Variants in CACNA1C observed in about 807,000 individuals in gnomAD.
CACNA1C encodes the protein calcium voltage-gated channel subunit alpha1 C, also known as voltage-dependent L-type calcium channel subunit alpha-1C.
In CACNA1C, 30 loss-of-function variants were observed where a neutral mutation model predicts 229.0. The ratio of observed to expected loss-of-function variants is 0.13; its 90% CI spans 0.10 to 0.18. CACNA1C has a LOEUF of 0.18. Ranked by LOEUF, CACNA1C falls within the 10% of genes least tolerant of loss-of-function variation. The probability of loss-of-function intolerance (pLI) is 1.00; values close to 1 mark genes in which losing one functional copy is unlikely to be tolerated. For missense variants in CACNA1C, 1,658 were observed against 2,845.0 expected (o/e 0.58, Z 9.49); for synonymous variants, 1,114 against 1,132.5 (o/e 0.98, Z 0.33).
intron 9 of CACNA1C, among the ~76,000 whole-genome samples, chr12:2,530,018 A>C (rs1165949117): frequency 6.6e-6 from 1 of 152,256 alleles, no homozygotes; most frequent in African/African-American, 2.4e-5. Context: ...CACAATGCTC[A>C]TTTCATTCAC....
intron 3 of CACNA1C, among the ~76,000 whole-genome samples, chr12:2,333,720 C>T (rs1017485008): frequency 3.3e-5 from 5 of 152,170 alleles, no homozygotes; most frequent in African/African-American, 1.2e-4. Flanking sequence ...AGTGAATCAA[C>T]ACAAAATGAA....
rs2097116101 is a variant in CACNA1C, at chr12:2,348,542, G to T, written c.478-100434G>T. 6.6e-6 allele frequency among the ~76,000 whole-genome samples: 1 copy of T among 152,224 alleles called. No individual in the cohort carries two copies. The highest frequency in any genetic ancestry group is 2.1e-4 in the South Asian group (1 of 4,826). On this transcript the variant is annotated intron_variant, in intron 3 of 46. Coordinates refer to ENST00000399655, the MANE Select transcript of CACNA1C (RefSeq NM_000719.7). The surrounding 1 kb of genome is among the most constrained non-coding windows in gnomAD (Gnocchi z 4.7). The stretch of plus-strand genomic sequence containing the variant: ...CCGAGGGAATGGGCTCATACGCCGG[G>T]TGGGCAAGGATTTCAAGTCGTCGGC...
chr12:2,193,687 A>T (rs897656683), intron 3 of CACNA1C, among the ~76,000 whole-genome samples: 5 of 152,296 alleles, frequency 3.3e-5, no homozygotes, highest in Admixed American at 1.3e-4. Flanking sequence ...CCAGCCGAGG[A>T]GGCCCTTCTC....
At chr12:2,655,010 C>A in intron 33 of CACNA1C, 137 bp from the exon 34 acceptor site, 1 of 638,972 alleles carries the variant, frequency 1.6e-6, no homozygotes, top group Admixed American at 2.3e-5. Context: ...TGCCAGGTTG[C>A]ATGGGAAGAC....
At chr12:2,168,071 T>G (rs1226414037) in intron 3 of CACNA1C, among the ~76,000 whole-genome samples, 1 of 151,578 alleles carries the variant, frequency 6.6e-6, no homozygotes, top group East Asian at 1.9e-4. Flanking sequence ...TGGGGGGGAG[T>G]GTTTGTGTAC....
chr12:2,200,828 C>A (rs540715641), intron 3 of CACNA1C, among the ~76,000 whole-genome samples: 1 of 152,122 alleles, frequency 6.6e-6, no homozygotes, highest in South Asian at 2.1e-4. Context: ...ATCTGGCAGA[C>A]CCTACCAGGA....
chr12:2,070,620 G>A (rs2060827524), intron 1 of CACNA1C, among the ~76,000 whole-genome samples: 1 of 152,120 alleles, frequency 6.6e-6, no homozygotes, highest in Non-Finnish European at 1.5e-5. Context: ...GGATTCTATT[G>A]TTGCTGATGA....
intron 3 of CACNA1C, among the ~76,000 whole-genome samples, chr12:2,430,075 T>C (rs1487022270): frequency 6.6e-6 from 1 of 152,178 alleles, no homozygotes; most frequent in African/African-American, 2.4e-5. Flanking sequence ...GGCTCATTCG[T>C]GGATGGCTGT....
At chr12:2,564,221 G>A (rs1301879108) in intron 11 of CACNA1C, among the ~76,000 whole-genome samples, 2 of 152,122 alleles carry the variant, frequency 1.3e-5, no homozygotes, top group African/African-American at 4.8e-5. Flanking sequence ...GTTTCCTTAC[G>A]ATATGATACG....
chr12:2,140,844 C>T (rs1467339891), intron 3 of CACNA1C, among the ~76,000 whole-genome samples: 1 of 151,426 alleles, frequency 6.6e-6, no homozygotes, highest in Admixed American at 6.6e-5. Flanking sequence ...AGCTTACGTT[C>T]TTATGATGCC....
intron 1 of CACNA1C, among the ~76,000 whole-genome samples, chr12:1,983,235 T>G (rs2036667918): frequency 6.6e-6 from 1 of 151,388 alleles, no homozygotes; most frequent in African/African-American, 2.4e-5. Context: ...GTTTTTTTGT[T>G]TTTTATCTCA....
intron 3 of CACNA1C, among the ~76,000 whole-genome samples, chr12:2,446,836 A>G (rs1047550626): frequency 2.0e-5 from 3 of 147,844 alleles, no homozygotes; most frequent in African/African-American, 7.5e-5. Context: ...GAATGGGTAC[A>G]TGGATGGATG....
chr12:2,089,949 A>C (rs184272206), intron 1 of CACNA1C, among the ~76,000 whole-genome samples: 79 of 152,262 alleles, frequency 5.2e-4, no homozygotes, highest in South Asian at 1.7e-3. Flanking sequence ...GAATGGCGTG[A>C]ACCCGGGAGG....
Position 2,692,510 on chromosome 12 carries a change from G to T in CACNA1C, c.*1311G>T, listed in dbSNP as rs944905388. Reference sequence around the variant, plus strand: ...AGCTGTGGGAAGATCTGAATCTGGGGCCGTTTGAAAGCAAAAACAAACCAC... The same window carrying T: ...AGCTGTGGGAAGATCTGAATCTGGGTCCGTTTGAAAGCAAAAACAAACCAC... On this transcript the variant is annotated 3_prime_UTR_variant, in exon 47 of 47. Coordinates refer to ENST00000399655, the MANE Select transcript of CACNA1C (RefSeq NM_000719.7). 1 of 152,766 alleles carries T rather than the reference G, an allele frequency of 6.5e-6. No homozygotes were observed. Among genetic ancestry groups the T allele is most frequent in the Middle Eastern group, 3.4e-3 (1 of 294 alleles). The allele number at this position is 152,766 out of a possible 1,614,324, so 9.5% of individuals were successfully genotyped here. A position where few individuals can be genotyped will look rare whatever the true frequency, so the allele number is the denominator to read the frequency against.
chr12:2,390,870 C>T (rs1373342545), intron 3 of CACNA1C, among the ~76,000 whole-genome samples: 2 of 152,170 alleles, frequency 1.3e-5, no homozygotes, highest in Non-Finnish European at 2.9e-5. Flanking sequence ...CTGAAGTGGC[C>T]TGTGGCATGC....
Position 2,679,495 on chromosome 12 carries a change from C to A in CACNA1C, c.5143C>A (p.Arg1715=), listed in dbSNP as rs373996684. Residue 1715 remains arginine (R), a synonymous_variant, in exon 42 of 47, where the codon CGG becomes AGG. Coordinates refer to ENST00000399655, the MANE Select transcript of CACNA1C (RefSeq NM_000719.7). This position sits in a 1 kb window ranked among gnomAD's most constrained non-coding sequence, Gnocchi z 5.5. ...NHVSYYQSDG[R]SAFPQTFTTQ... ...CGTCAGCTACTACCAAAGCGACGGCCGGAGCGCCTTCCCCCAGACCTTCAC... is the reference window on the plus strand; with the variant it reads ...CGTCAGCTACTACCAAAGCGACGGCAGGAGCGCCTTCCCCCAGACCTTCAC... The A allele has an allele frequency of 3.1e-5, 50 of 1,607,122 alleles. No homozygotes were observed. The African/African-American group carries it at 5.5e-4, about 18-fold the overall frequency.
At chr12:2,656,501 C>T (rs565639750) in intron 34 of CACNA1C, among the ~76,000 whole-genome samples, 32 of 152,186 alleles carry the variant, frequency 2.1e-4, no homozygotes, top group Non-Finnish European at 2.9e-5. Flanking sequence ...AATGACCATA[C>T]TACCCAAAGC....
chr12:2,376,719 T>C (rs1323504988), intron 3 of CACNA1C, among the ~76,000 whole-genome samples: 2 of 152,114 alleles, frequency 1.3e-5, no homozygotes, highest in Admixed American at 6.5e-5. Flanking sequence ...AACCCCAACA[T>C]GAAACCTTAA....
intron 3 of CACNA1C, among the ~76,000 whole-genome samples, chr12:2,374,590 G>C (rs1317309372): frequency 6.6e-6 from 1 of 152,210 alleles, no homozygotes; most frequent in Non-Finnish European, 1.5e-5. Flanking sequence ...TGGTAGAGCG[G>C]TCAGGGCTCC....
Sources: allele counts gnomAD v4.1 joint callset (sites outside exome capture counted in the v4.1 genomes callset), GRCh38; gene constraint gnomAD v4.1.1; non-coding constraint Gnocchi (gnomAD v3.1); transcripts MANE v1.5; gene names NCBI Gene and HGNC (gene_info 2026-07-23, HGNC 2026-07-21).